Variants in SURF2 observed in about 807,000 individuals in gnomAD.
The protein encoded by SURF2 is surfeit 2.
A neutral mutation model predicts 26.2 loss-of-function variants in SURF2; 32 were observed. The ratio of observed to expected loss-of-function variants is 1.22; its 90% CI spans 0.92 to 1.64. The LOEUF (loss-of-function observed/expected upper bound fraction) is 1.64, where lower values mean the gene tolerates loss of function less well. Among genes scored for constraint, SURF2 ranks in the 40% most tolerant of loss-of-function variants. The probability of loss-of-function intolerance (pLI) is 0.00; values close to 1 mark genes in which losing one functional copy is unlikely to be tolerated. For synonymous variants in SURF2, 173 were observed against 139.1 expected (o/e 1.24, Z -1.71); for missense variants, 415 against 341.6 (o/e 1.21, Z -1.69).
At chr9:133,359,638 G>C (rs1836699792) in intron 3 of SURF2, among the ~76,000 whole-genome samples, 1 of 152,254 alleles carries the variant, frequency 6.6e-6, no homozygotes, top group Non-Finnish European at 1.5e-5. Context: ...AAGCTCACTG[G>C]GGCACAGTTG....
chr9:133,357,601 C>T lies in SURF2; in HGVS notation c.234-110C>T, dbSNP rs1165132193. The T allele has an allele frequency of 3.4e-5, 35 of 1,034,442 alleles. No individual in the cohort carries two copies. In the East Asian group the frequency reaches 6.6e-4, roughly 20 times the overall value. The allele number at this position is 1,034,442 out of a possible 1,614,324, so 64.1% of individuals were successfully genotyped here. ...ATTGCTCCGGGAGCCTTTAAAAGCCCGATGTCCAAGCCGCATGGTAGACTG... is the reference window on the plus strand; with the variant it reads ...ATTGCTCCGGGAGCCTTTAAAAGCCTGATGTCCAAGCCGCATGGTAGACTG... On this transcript the variant is annotated intron_variant, in intron 2 of 5. Transcript: ENST00000371964.
intron 2 of SURF2, chr9:133,357,298 G>A (rs2130033601): frequency 0.011 from 5,786 of 534,216 alleles, 45 homozygotes; most frequent in Non-Finnish European, 0.015. Context: ...GATGAGTAGA[G>A]GCTTGTGATT....
At position 133,360,389 on chromosome 9, in the gene SURF2, G is replaced by T; in HGVS notation, c.642G>T (p.Arg214Ser). The T allele has an allele frequency of 6.2e-7, 1 of 1,613,086 alleles. No individual in the cohort carries two copies. Among genetic ancestry groups the T allele is most frequent in the Non-Finnish European group, 8.5e-7 (1 of 1,179,914 alleles). ...PPREKATDEG[R>S]RETTVYRGLV... ...GAGAGAAGGCCACTGATGAGGGCAGGAGAGAGACGACCGTGTACCGAGGGC... is the reference window on the plus strand; with the variant it reads ...GAGAGAAGGCCACTGATGAGGGCAGTAGAGAGACGACCGTGTACCGAGGGC... The change falls in exon 5 of 6, where the codon AGG becomes AGT. Residue 214 changes from arginine (R) to serine (S), a missense_variant. Arg to Ser is a moderately radical substitution (Grantham distance 110). Coordinates refer to ENST00000371964, the MANE Select transcript of SURF2 (RefSeq NM_017503.5).
chr9:133,357,224 G>A lies in SURF2; in HGVS notation c.233+156G>A. On this transcript the variant is annotated intron_variant, in intron 2 of 5. Coordinates refer to ENST00000371964, the MANE Select transcript of SURF2 (RefSeq NM_017503.5). The stretch of plus-strand genomic sequence containing the variant: ...TGGAATCACCTGCGGTCCCAGCGGC[G>A]AGGCCTCTTGGTGAGCTCGTTTGCT... 5 of 936,968 alleles carry A rather than the reference G, an allele frequency of 5.3e-6. No individual in the cohort carries two copies. In the South Asian group the frequency reaches 9.8e-5, roughly 18 times the overall value. The allele number at this position is 936,968 out of a possible 1,614,324, so 58.0% of individuals were successfully genotyped here.
chr9:133,359,829 T>G, intron 3 of SURF2, 121 bp from the exon 4 acceptor site: 7 of 1,202,270 alleles, frequency 5.8e-6, no homozygotes, highest in South Asian at 1.6e-5. Context: ...GCTGCTCTGG[T>G]TTTTGTCCAG....
Position 133,357,053 on chromosome 9 carries a change from C to G in SURF2, c.218C>G (p.Pro73Arg). The G allele has an allele frequency of 6.3e-7, 1 of 1,580,678 alleles. No individual in the cohort carries two copies. The highest frequency in any genetic ancestry group is 8.6e-7 in the Non-Finnish European group (1 of 1,165,030). ...DYAEFEPHIVPSTKNPHQLFC... is the reference protein window; with the variant it reads ...DYAEFEPHIVRSTKNPHQLFC... Reference sequence around the variant, plus strand: ...GCAGAGTTCGAGCCGCACATCGTGCCCAGCACCAAGAACCCGTAGGTGGTC... The same window carrying G: ...GCAGAGTTCGAGCCGCACATCGTGCGCAGCACCAAGAACCCGTAGGTGGTC... The change falls in exon 2 of 6, where the codon CCC becomes CGC. Residue 73 changes from proline (P) to arginine (R), a missense_variant. Transcript: ENST00000371964.
In SURF2 at chr9:133,357,945, A is replaced by G. The variant is rs1836654096; in HGVS notation, c.337+131A>G. 4.0e-5 allele frequency: 34 copies of G among 845,486 alleles called. No homozygotes were observed. The South Asian group carries it at 5.2e-4, about 13-fold the overall frequency. The allele number at this position is 845,486 out of a possible 1,614,324, so 52.4% of individuals were successfully genotyped here. A position where few individuals can be genotyped will look rare whatever the true frequency, so the allele number is the denominator to read the frequency against. On this transcript the variant is annotated intron_variant, in intron 3 of 5. Transcript: ENST00000371964. Reference sequence around the variant, plus strand: ...TGATGCATCAGGCCTGTTTTTTGGCACAGTGAAGAGAGGGATGATGGCCCC... The same window carrying G: ...TGATGCATCAGGCCTGTTTTTTGGCGCAGTGAAGAGAGGGATGATGGCCCC...
intron 4 of SURF2, 67 bp from the exon 5 acceptor site, chr9:133,360,198 T>A: frequency 1.9e-6 from 3 of 1,594,188 alleles, no homozygotes; most frequent in Non-Finnish European, 1.7e-6. Flanking sequence ...TGGTGCTGCC[T>A]CCCCTGCAAA....
In SURF2 at chr9:133,357,320, G is replaced by A. The variant is rs1177336139; in HGVS notation, c.233+252G>A. 4 of 521,514 alleles carry A rather than the reference G, an allele frequency of 7.7e-6. No individual in the cohort carries two copies. In the East Asian group the frequency reaches 1.3e-4, roughly 17 times the overall value. 32.3% of individuals were successfully genotyped at this position (521,514 alleles called of 1,614,324 possible). A position where few individuals can be genotyped will look rare whatever the true frequency, so the allele number is the denominator to read the frequency against. On this transcript the variant is annotated intron_variant, in intron 2 of 5. Coordinates refer to ENST00000371964, the MANE Select transcript of SURF2 (RefSeq NM_017503.5). ...AGAGGCTTGTGATTTGTCACCTGAGGTTGTGAACAGCGTTGGGTTCTTCCC... is the reference window on the plus strand; with the variant it reads ...AGAGGCTTGTGATTTGTCACCTGAGATTGTGAACAGCGTTGGGTTCTTCCC...
intron 3 of SURF2, among the ~76,000 whole-genome samples, chr9:133,359,538 G>A (rs2130042664): frequency 1.3e-5 from 2 of 152,232 alleles, no homozygotes; most frequent in African/African-American, 2.4e-5. Flanking sequence ...CCTCCGGGAC[G>A]GGGTCTCCCA....
At chr9:133,357,640 CCA>C in intron 2 of SURF2, 69 bp from the exon 3 acceptor site, 1 of 1,480,154 alleles carries the variant, frequency 6.8e-7, no homozygotes, top group South Asian at 1.2e-5. Flanking sequence ...AGGGATGAGT[CCA>C]AGACACAGCC....
chr9:133,356,908 C>CA lies in SURF2; in HGVS notation c.79-6_79-5insA, dbSNP rs2130031088. On this transcript the variant is annotated splice_region_variant and splice_polypyrimidine_tract_variant and intron_variant, in intron 1 of 5. Transcript: ENST00000371964. The stretch of plus-strand genomic sequence containing the variant: ...CCTGACGTCCTGCCCGCCCACGCGT[C>CA]CGCAGGTGAGGTGCATCCTGACAGG... The CA allele has an allele frequency of 6.5e-7, 1 of 1,547,360 alleles. No individual in the cohort carries two copies. The highest frequency in any genetic ancestry group is 1.2e-5 in the South Asian group (1 of 83,872).
chr9:133,360,954 G>T (rs587651978), intron 5 of SURF2, 102 bp from the exon 6 acceptor site: 2 of 1,233,820 alleles, frequency 1.6e-6, no homozygotes, highest in Non-Finnish European at 1.2e-6. Context: ...GTATTTGACC[G>T]ACACCTCTGA....
chr9:133,356,919 G>A lies in SURF2; in HGVS notation c.84G>A (p.Arg28=). Residue 28 remains arginine (R), a synonymous_variant, in exon 2 of 6, where the codon AGG becomes AGA. Coordinates refer to ENST00000371964, the MANE Select transcript of SURF2 (RefSeq NM_017503.5). ...LRLQTDARKV[R]CILTGHELPC... ...GCCCGCCCACGCGTCCGCAGGTGAG[G>A]TGCATCCTGACAGGTCACGAGCTGC... 6.4e-7 allele frequency: 1 copy of A among 1,557,358 alleles called. No individual in the cohort carries two copies. Among genetic ancestry groups the A allele is most frequent in the Non-Finnish European group, 8.7e-7 (1 of 1,151,380 alleles).
At chr9:133,357,859 A>C in intron 3 of SURF2, 45 bp downstream of exon 3, 1 of 1,582,790 alleles carries the variant, frequency 6.3e-7, no homozygotes, top group Middle Eastern at 1.7e-4. Flanking sequence ...ATCTGAGTGC[A>C]TGCCCGCCTT....
rs782281339 is a variant in SURF2 at position 133,360,248 on chromosome 9, C to A, written c.518-17C>A. 2.5e-6 allele frequency: 4 copies of A among 1,611,548 alleles called. No individual in the cohort carries two copies. The highest frequency in any genetic ancestry group is 3.4e-6 in the Non-Finnish European group (4 of 1,178,656). On this transcript the variant is annotated splice_polypyrimidine_tract_variant and intron_variant, in intron 4 of 5. Coordinates refer to ENST00000371964, the MANE Select transcript of SURF2 (RefSeq NM_017503.5). ...CAGCCTAAAATAACTGTCAGCCAAT[C>A]CCTGTGTTCCTCCCAGCTGAGCTAT...
At chr9:133,356,722 GAGGGGCTGAGGGGAGGGC>G in intron 1 of SURF2, 52 bp downstream of exon 1, 1 of 1,466,292 alleles carries the variant, frequency 6.8e-7, no homozygotes, top group Non-Finnish European at 9.0e-7. Context: ...CAGTTGGGAT[GAGGGGCTGAGGGGAGGGC>G]AGGGGAGAGG....
chr9:133,359,870 G>A (rs2130044233), intron 3 of SURF2, 80 bp from the exon 4 acceptor site: 129 of 1,473,644 alleles, frequency 8.8e-5, no homozygotes, highest in Non-Finnish European at 1.1e-4. Context: ...CTGGCCGAGT[G>A]CAGTCCTCAT....
At chr9:133,357,404 A>C (rs1836636138) in intron 2 of SURF2, among the ~76,000 whole-genome samples, 1 of 152,140 alleles carries the variant, frequency 6.6e-6, no homozygotes, top group Admixed American at 6.5e-5. Flanking sequence ...TAATCGTCAA[A>C]ACAGAGATAG....
Sources: allele counts gnomAD v4.1 joint callset (sites outside exome capture counted in the v4.1 genomes callset), GRCh38; gene constraint gnomAD v4.1.1; transcripts MANE v1.5; gene names NCBI Gene and HGNC (gene_info 2026-07-23, HGNC 2026-07-21).